BZW1: variants seen among roughly 807,000 people sequenced by gnomAD.
The protein encoded by BZW1 is eIF5-mimic protein 2.
Under a neutral mutation model 54.1 loss-of-function variants are expected in BZW1, and 3 were observed. The observed-to-expected ratio is 0.06, with a 90% confidence interval of 0.03 to 0.14. The LOEUF is 0.14. Ranked by LOEUF, BZW1 falls within the 10% of genes least tolerant of loss-of-function variation. The pLI is 1.00. For synonymous variants in BZW1, 152 were observed against 162.7 expected, an observed-to-expected ratio of 0.93 and a Z score of 0.50; for missense variants, 206 against 491.7, an observed-to-expected ratio of 0.42 and a Z score of 5.50.
intron 10 of BZW1, 33 bp from the exon 11 acceptor site, chr2:200,821,145 TATTAA>T: frequency 6.2e-7 from 1 of 1,608,412 alleles, no homozygotes; most frequent in Admixed American, 1.7e-5. Context: ...GAGTAGAGTA[TATTAA>T]AACTCCCTTA....
At chr2:200,812,869 T>G in intron 1 of BZW1, 1 of 653,172 alleles carries the variant, frequency 1.5e-6, no homozygotes, top group South Asian at 1.5e-5. Context: ...CTGCGATGCT[T>G]AGTGGTCGTG....
rs1327069272 is a variant in BZW1 at position 200,813,342 on chromosome 2, T to G, written c.64+61T>G. Reference sequence around the variant, plus strand: ...TCCAGAACATCTTGTGTATCTTGCCTTCTCTGACAGGTACTTGCATATTAC... The same window carrying G: ...TCCAGAACATCTTGTGTATCTTGCCGTCTCTGACAGGTACTTGCATATTAC... On this transcript the variant is annotated intron_variant, in intron 2 of 11. Coordinates refer to ENST00000409600, the MANE Select transcript of BZW1 (RefSeq NM_001207067.2). 16 of 1,445,200 alleles carry G rather than the reference T, an allele frequency of 1.1e-5. No individual in the cohort carries two copies. The Admixed American group carries it at 1.8e-4, about 16-fold the overall frequency. 89.5% of individuals were successfully genotyped at this position (1,445,200 alleles called of 1,614,324 possible). A position where few individuals can be genotyped will look rare whatever the true frequency, so the allele number is the denominator to read the frequency against.
intron 11 of BZW1, among the ~76,000 whole-genome samples, 156 bp downstream of exon 11, chr2:200,821,461 T>C (rs1250456835): frequency 6.6e-6 from 1 of 152,244 alleles, no homozygotes; most frequent in Non-Finnish European, 1.5e-5. Context: ...GTTTAATTAT[T>C]ATAGTATATT....
Position 200,822,400 on chromosome 2 carries a change from A to C in BZW1, c.*222A>C, listed in dbSNP as rs578097815. 1.2e-3 allele frequency: 532 copies of C among 427,030 alleles called. 1 individual carries two copies. In the East Asian group the frequency reaches 0.013, roughly 10 times the overall value. The allele number at this position is 427,030 out of a possible 1,614,324, so 26.5% of individuals were successfully genotyped here. A position where few individuals can be genotyped will look rare whatever the true frequency, so the allele number is the denominator to read the frequency against. On this transcript the variant is annotated 3_prime_UTR_variant, in exon 12 of 12. Transcript: ENST00000409600. ...CTACAGGAGCTATAGATTTGAATCT[A>C]ATGTTGCATTAGTCTTTTCAGTTAT...
In BZW1 at chr2:200,817,219, T is replaced by C. The variant is rs2038328481; in HGVS notation, c.516T>C (p.Tyr172=). ...ATGCATCCATTCTTAATAGCCTTTA[T>C]AATGAAAATTTGGTTAAAGAAGGTA... ...TLNASILNSL[Y]NENLVKEGVS... The change falls in exon 6 of 12, where the codon TAT becomes TAC. Residue 172 remains tyrosine (Y), a synonymous_variant. Transcript: ENST00000409600. 1.2e-6 allele frequency: 2 copies of C among 1,613,596 alleles called. No individual in the cohort carries two copies. Among genetic ancestry groups the C allele is most frequent in the South Asian group, 1.1e-5 (1 of 91,080 alleles).
rs1219397639 is a variant in BZW1, at chr2:200,818,804, C to T, written c.869C>T (p.Pro290Leu). Residue 290 changes from proline (P) to leucine (L), a missense_variant, in exon 9 of 12, where the codon CCA (proline) becomes CTA (leucine). By Grantham distance (98) the Pro-to-Leu change is moderately conservative. Around this residue, in one of 5 missense-constraint regions of BZW1, gnomAD observed 60 missense variants for 151.8 expected, o/e 0.40. Coordinates refer to ENST00000409600, the MANE Select transcript of BZW1 (RefSeq NM_001207067.2). Reference protein sequence around the residue: ...EEMKKNNIPEPVVIGIVWSSV... With the variant: ...EEMKKNNIPELVVIGIVWSSV... Reference sequence around the variant, plus strand: ...ATGAAAAAAAACAACATCCCAGAGCCAGTTGTCATCGGAATAGTCTGGTCA... The same window carrying T: ...ATGAAAAAAAACAACATCCCAGAGCTAGTTGTCATCGGAATAGTCTGGTCA... 6.3e-7 allele frequency: 1 copy of T among 1,597,282 alleles called. No individual in the cohort carries two copies. The highest frequency in any genetic ancestry group is 8.5e-7 in the Non-Finnish European group (1 of 1,175,764).
At position 200,811,966 on chromosome 2, in the gene BZW1, C is replaced by T. The variant is rs897908035; in HGVS notation, c.-35C>T. ...TTGCCGGTACATCGGGGATTTCTGG[C>T]TCTTTCCTCTTCGCCTTAAATTCGG... On this transcript the variant is annotated 5_prime_UTR_variant, in exon 1 of 12. Coordinates refer to ENST00000409600, the MANE Select transcript of BZW1 (RefSeq NM_001207067.2). The T allele has an allele frequency of 3.0e-5, 10 of 333,028 alleles. No homozygotes were observed. The highest frequency in any genetic ancestry group is 5.4e-5 in the Non-Finnish European group (10 of 184,554). The allele number at this position is 333,028 out of a possible 1,614,324, so 20.6% of individuals were successfully genotyped here.
rs1480626838 is a variant in BZW1 at position 200,824,188 on chromosome 2, G to A, written c.*2010G>A. ...ACATTATAGTAAGTGGATATCACTT[G>A]TGACAGTAATAGTGTAAAGAAAGGG... On this transcript the variant is annotated 3_prime_UTR_variant, in exon 12 of 12. Transcript: ENST00000409600. 1.3e-5 allele frequency: 2 copies of A among 152,162 alleles called. No homozygotes were observed. Among genetic ancestry groups the A allele is most frequent in the Middle Eastern group, 3.2e-3 (1 of 316 alleles). The allele number at this position is 152,162 out of a possible 1,614,324, so 9.4% of individuals were successfully genotyped here.
At chr2:200,812,591 T>A in intron 1 of BZW1, 2 of 1,391,930 alleles carry the variant, frequency 1.4e-6, no homozygotes, top group Non-Finnish European at 1.9e-6. Flanking sequence ...GCGGGAGGCA[T>A]GGGAAGGGTG....
intron 11 of BZW1, among the ~76,000 whole-genome samples, chr2:200,821,839 G>A (rs887303290): frequency 1.3e-5 from 2 of 152,210 alleles, no homozygotes; most frequent in African/African-American, 4.8e-5. Flanking sequence ...GGGAGGCTGA[G>A]GCGATCAGGT....
At chr2:200,821,334 T>TG in intron 11 of BZW1, 29 bp downstream of exon 11, 1 of 1,610,722 alleles carries the variant, frequency 6.2e-7, no homozygotes. Context: ...GTGGTTTGTT[T>TG]GGTAAAGCTA....
intron 11 of BZW1, among the ~76,000 whole-genome samples, chr2:200,821,793 G>A (rs946755814): frequency 1.3e-5 from 2 of 152,180 alleles, no homozygotes; most frequent in Non-Finnish European, 2.9e-5. Context: ...CATGGAGGCT[G>A]GGTGTGGTGG....
chr2:200,812,508 A>G lies in BZW1; in HGVS notation c.-11+518A>G, dbSNP rs965076804. ...CAGGCGACAGGGTCAGTGGAGAAAGAGCCGCGGGACCCTACGGCGCCCCGC... is the reference window on the plus strand; with the variant it reads ...CAGGCGACAGGGTCAGTGGAGAAAGGGCCGCGGGACCCTACGGCGCCCCGC... On this transcript the variant is annotated intron_variant, in intron 1 of 11. Coordinates refer to ENST00000409600, the MANE Select transcript of BZW1 (RefSeq NM_001207067.2). 24 of 1,377,546 alleles carry G rather than the reference A, an allele frequency of 1.7e-5. No individual in the cohort carries two copies. In the African/African-American group the frequency reaches 2.6e-4, roughly 15 times the overall value. 85.3% of individuals were successfully genotyped at this position (1,377,546 alleles called of 1,614,324 possible). A position where few individuals can be genotyped will look rare whatever the true frequency, so the allele number is the denominator to read the frequency against.
chr2:200,821,440 C>A, intron 11 of BZW1, 135 bp downstream of exon 11: 1 of 1,019,110 alleles, frequency 9.8e-7, no homozygotes, highest in Non-Finnish European at 1.4e-6. Flanking sequence ...AGGCAGGTGG[C>A]GAAAGCTAGA....
At position 200,818,382 on chromosome 2, in the gene BZW1, C is replaced by T. The variant is rs376693272; in HGVS notation, c.808C>T (p.Pro270Ser). Residue 270 changes from proline to serine, a missense_variant, in exon 8 of 12, where the codon CCA becomes TCA. Pro to Ser is a moderately conservative substitution (Grantham distance 74). Around this residue, in one of 5 missense-constraint regions of BZW1, gnomAD observed 31 missense variants for 29.1 expected, o/e 1.07. Coordinates refer to ENST00000409600, the MANE Select transcript of BZW1 (RefSeq NM_001207067.2). ...ELQEQMSRGD[P>S]FKDIILYVKE... ...TCAAGAACAGATGTCCCGTGGTGAT[C>T]CATTTAAGGATGTAAGTTTTTGTTT... The T allele has an allele frequency of 6.3e-7, 1 of 1,599,040 alleles. No individual in the cohort carries two copies.
rs951201681 is a variant in BZW1, at chr2:200,826,352, A to G, written c.*4174A>G. ...GCTAGGAGTATAGTCTCAGTTCTTAATGAGTTGATGGGATGAAGATATAGA... is the reference window on the plus strand; with the variant it reads ...GCTAGGAGTATAGTCTCAGTTCTTAGTGAGTTGATGGGATGAAGATATAGA... On this transcript the variant is annotated 3_prime_UTR_variant, in exon 12 of 12. Transcript: ENST00000409600. The G allele has an allele frequency of 2.2e-5, 3 of 139,058 alleles. No homozygotes were observed. Among genetic ancestry groups the G allele is most frequent in the African/African-American group, 8.0e-5 (3 of 37,586 alleles). The allele number at this position is 139,058 out of a possible 1,614,324, so 8.6% of individuals were successfully genotyped here.
At chr2:200,821,162 T>C in intron 10 of BZW1, 21 bp from the exon 11 acceptor site, 8 of 1,610,978 alleles carry the variant, frequency 5.0e-6, no homozygotes, top group Non-Finnish European at 5.1e-6. Flanking sequence ...ACTCCCTTAA[T>C]GCAATGAGTT....
intron 2 of BZW1, 70 bp downstream of exon 2, chr2:200,813,351 A>T (rs1416022394): frequency 1.5e-6 from 2 of 1,360,652 alleles, no homozygotes; most frequent in Non-Finnish European, 2.1e-6. Context: ...CTTCTCTGAC[A>T]GGTACTTGCA....
rs1399597473 is a variant in BZW1, at chr2:200,815,859, A to G, written c.336+98A>G. The G allele has an allele frequency of 8.2e-6, 10 of 1,216,626 alleles. No individual in the cohort carries two copies. The Admixed American group carries it at 3.3e-4, about 40-fold the overall frequency. 75.4% of individuals were successfully genotyped at this position (1,216,626 alleles called of 1,614,324 possible). ...TTAAGAGTTGTGGTTAGAAAGTTGAAGGAATTTGATTTTAAATTTTAGGGA... is the reference window on the plus strand; with the variant it reads ...TTAAGAGTTGTGGTTAGAAAGTTGAGGGAATTTGATTTTAAATTTTAGGGA... On this transcript the variant is annotated intron_variant, in intron 4 of 11. Transcript: ENST00000409600.
Sources: allele counts gnomAD v4.1 joint callset (sites outside exome capture counted in the v4.1 genomes callset), GRCh38; gene constraint gnomAD v4.1.1; regional missense constraint gnomAD v4.1.1; transcripts MANE v1.5; gene names NCBI Gene and HGNC (gene_info 2026-07-23, HGNC 2026-07-21).